The following CUX1 variants were observed in gnomAD, a reference collection of about 807,000 sequenced individuals.
CUX1 encodes the protein protein CASP.
In CUX1, 31 loss-of-function variants were observed where a neutral mutation model predicts 158.8. The observed-to-expected ratio is 0.20, with a 90% CI of 0.15 to 0.26. The LOEUF (loss-of-function observed/expected upper bound fraction) is 0.26, where lower values mean the gene tolerates loss of function less well. Ranked by LOEUF, CUX1 falls within the 10% of genes least tolerant of loss-of-function variation. CUX1 has a pLI of 1.00. For synonymous variants in CUX1, 879 were observed against 862.1 expected, an observed-to-expected ratio of 1.02 and a Z score of -0.34; for missense variants, 1,589 against 2,014.6, an observed-to-expected ratio of 0.79 and a Z score of 4.04.
Position 102,111,563 on chromosome 7 carries a change from C to T in CUX1, c.531-135C>T, listed in dbSNP as rs531646447. 4.0e-4 allele frequency: 294 copies of T among 727,572 alleles called. 1 individual carries two copies. The South Asian group carries it at 4.7e-3, about 12-fold the overall frequency. The allele number at this position is 727,572 out of a possible 1,614,324, so 45.1% of individuals were successfully genotyped here. On this transcript the variant is annotated intron_variant, in intron 6 of 23. Coordinates refer to ENST00000292535, the MANE Select transcript of CUX1 (RefSeq NM_181552.4). ...GGAGCGGGGCCCACGGCACACGTGT[C>T]GTTGCGGGCGATACCCCGTGGTGCG... is the stretch of plus-strand genomic sequence containing the variant.
intron 1 of CUX1, among the ~76,000 whole-genome samples, chr7:101,825,877 C>G (rs1202451171): frequency 2.0e-5 from 3 of 151,054 alleles, no homozygotes; most frequent in African/African-American, 7.3e-5. Context: ...GAGCTGAGTG[C>G]GTCGTCTTTT....
At chr7:102,019,262 C>A (rs1437448219) in intron 2 of CUX1, among the ~76,000 whole-genome samples, 2 of 150,854 alleles carry the variant, frequency 1.3e-5, no homozygotes, top group African/African-American at 4.9e-5. Context: ...TAGTCTCATT[C>A]TGTTGCCCAG....
At chr7:101,851,669 G>A (rs1265505207) in intron 1 of CUX1, among the ~76,000 whole-genome samples, 2 of 152,274 alleles carry the variant, frequency 1.3e-5, no homozygotes, top group Non-Finnish European at 2.9e-5. Flanking sequence ...TTGTAGAGTT[G>A]TCTTTTTCTT....
At chr7:102,167,077 G>A (rs1791122314) in intron 9 of CUX1, among the ~76,000 whole-genome samples, 1 of 152,042 alleles carries the variant, frequency 6.6e-6, no homozygotes, top group Non-Finnish European at 1.5e-5. Context: ...AGACCAGCCT[G>A]GCCAACATGG....
chr7:102,004,205 A>G (rs1817053652), intron 2 of CUX1, among the ~76,000 whole-genome samples: 2 of 152,108 alleles, frequency 1.3e-5, no homozygotes, highest in Non-Finnish European at 2.9e-5. Flanking sequence ...ACATGGTTTG[A>G]TTTGCGATGC....
At chr7:102,275,207 C>T (rs1554547421) in intron 16 of CUX1, 2 of 1,499,930 alleles carry the variant, frequency 1.3e-6, no homozygotes, top group South Asian at 2.4e-5. Flanking sequence ...CTGGGTTCCA[C>T]CTCCTGCCAC....
At chr7:102,131,863 G>C (rs1194701151) in intron 8 of CUX1, among the ~76,000 whole-genome samples, 1 of 151,732 alleles carries the variant, frequency 6.6e-6, no homozygotes, top group African/African-American at 2.4e-5. Flanking sequence ...GTAAAGATGG[G>C]GTTTCACCAT....
At chr7:102,115,020 G>A (rs1831295888) in intron 7 of CUX1, among the ~76,000 whole-genome samples, 187 bp from the exon 8 acceptor site, 1 of 151,990 alleles carries the variant, frequency 6.6e-6, no homozygotes, top group Non-Finnish European at 1.5e-5. Context: ...AGAAATGAAG[G>A]GGGATTTCCT....
chr7:102,049,055 C>A (rs1823173381), intron 3 of CUX1, among the ~76,000 whole-genome samples: 1 of 152,036 alleles, frequency 6.6e-6, no homozygotes, highest in South Asian at 2.1e-4. Context: ...AATAGGCCTC[C>A]CCTGCTTTGC....
At chr7:102,059,443 G>A (rs1296555545) in intron 3 of CUX1, among the ~76,000 whole-genome samples, 1 of 151,962 alleles carries the variant, frequency 6.6e-6, no homozygotes, top group African/African-American at 2.4e-5. Context: ...AGACCAGCCT[G>A]GCCAACGTGG....
chr7:102,189,590 C>T (rs1794059422), intron 11 of CUX1, among the ~76,000 whole-genome samples: 1 of 152,110 alleles, frequency 6.6e-6, no homozygotes, highest in East Asian at 1.9e-4. Flanking sequence ...TACGTTACAA[C>T]CTTACAGCAT....
chr7:101,921,263 A>G (rs1804887305), intron 2 of CUX1, among the ~76,000 whole-genome samples: 1 of 152,042 alleles, frequency 6.6e-6, no homozygotes, highest in Non-Finnish European at 1.5e-5. Flanking sequence ...GTGTGCACAT[A>G]TGTGTGTGTA....
At chr7:101,816,180 G>A (rs1263898167), upstream of CUX1, 2 of 565,490 alleles carry the variant, frequency 3.5e-6, no homozygotes, top group Non-Finnish European at 4.5e-6. Flanking sequence ...GGCTGGCCCA[G>A]CCGCCGGGGG....
chr7:102,151,946 C>T (rs955477993), intron 8 of CUX1, among the ~76,000 whole-genome samples: 1 of 151,972 alleles, frequency 6.6e-6, no homozygotes, highest in Non-Finnish European at 1.5e-5. Context: ...GTGGCTCAGG[C>T]CTGTAATCTC....
chr7:102,006,324 A>G, intron 2 of CUX1, among the ~76,000 whole-genome samples: 1 of 152,202 alleles, frequency 6.6e-6, no homozygotes, highest in East Asian at 1.9e-4. Context: ...ACCACGCCTC[A>G]GTGCTCCCTC....
At chr7:102,007,779 T>C (rs1220687012) in intron 2 of CUX1, among the ~76,000 whole-genome samples, 1 of 151,214 alleles carries the variant, frequency 6.6e-6, no homozygotes, top group Non-Finnish European at 1.5e-5. Context: ...AGTCTCACTC[T>C]TGTCACCCAG....
At chr7:102,261,815 G>T (rs1790421805), downstream of CUX1, among the ~76,000 whole-genome samples, 1 of 152,012 alleles carries the variant, frequency 6.6e-6, no homozygotes, top group Admixed American at 6.6e-5. Flanking sequence ...TCTGTAAAGG[G>T]GATATAAAAA....
intron 1 of CUX1, among the ~76,000 whole-genome samples, chr7:101,907,944 A>G (rs943015853): frequency 6.6e-6 from 1 of 152,058 alleles, no homozygotes; most frequent in African/African-American, 2.4e-5. Context: ...ACATAGCAAG[A>G]CTTCCATCTA....
chr7:101,892,926 G>A (rs1801045607), intron 1 of CUX1, among the ~76,000 whole-genome samples: 1 of 151,960 alleles, frequency 6.6e-6, no homozygotes, highest in East Asian at 1.9e-4. Context: ...TCAGACAGCT[G>A]GCTAAGATTA....
Sources: allele counts gnomAD v4.1 joint callset (sites outside exome capture counted in the v4.1 genomes callset), GRCh38; gene constraint gnomAD v4.1.1; transcripts MANE v1.5; gene names NCBI Gene and HGNC (gene_info 2026-07-23, HGNC 2026-07-21).